The following ZNF148 variants were observed in gnomAD, a reference collection of about 807,000 sequenced individuals.
The protein encoded by ZNF148 is Beta-Enolase Repressor Factor-1.
Under a neutral mutation model 67.7 loss-of-function variants are expected in ZNF148, and 7 were observed. That is an observed-to-expected ratio of 0.10 (90% CI 0.06 to 0.19). ZNF148 has a LOEUF of 0.19. Among genes scored for constraint, ZNF148 ranks in the 10% least tolerant of loss-of-function variants. The pLI, the probability that ZNF148 is intolerant of heterozygous loss-of-function variation, is 1.00. For missense variants in ZNF148, 583 were observed against 947.1 expected (o/e 0.62, Z 5.05); for synonymous variants, 333 against 330.7 (o/e 1.01, Z -0.08).
intron 7 of ZNF148, among the ~76,000 whole-genome samples, chr3:125,260,330 T>C (rs189569235): frequency 6.6e-6 from 1 of 151,776 alleles, no homozygotes; most frequent in African/African-American, 2.4e-5. Context: ...ATTTGCAAAG[T>C]GTAGTAAAGT....
chr3:125,371,372 A>AGG (rs59807253), intron 1 of ZNF148, among the ~76,000 whole-genome samples: 203 of 65,360 alleles, frequency 3.1e-3, no homozygotes, highest in East Asian at 6.6e-3. Flanking sequence ...AAAAAAAAAA[A>AGG]GGGGGGGGGG....
chr3:125,318,455 G>T lies in ZNF148; in HGVS notation c.-16-4799C>A, dbSNP rs75504916. On this transcript the variant is annotated intron_variant, in intron 3 of 8. Coordinates refer to ENST00000360647, the MANE Select transcript of ZNF148 (RefSeq NM_021964.3). The stretch of plus-strand genomic sequence containing the variant: ...TACACAGAAGAGAGGAGGAAAGAAA[G>T]AATGCTTCCTTTAAATCTTATTACT... Among the ~76,000 whole-genome samples the T allele has an allele frequency of 5.4e-3, 821 of 152,086 alleles. 6 individuals are homozygous for T. Among genetic ancestry groups the T allele is most frequent in the African/African-American group, 0.019 (773 of 41,484 alleles).
chr3:125,364,147 C>T (rs955972517), intron 1 of ZNF148, among the ~76,000 whole-genome samples: 10 of 152,080 alleles, frequency 6.6e-5, no homozygotes, highest in African/African-American at 2.4e-4. Flanking sequence ...GCCTGTAATC[C>T]CAGCACTCTG....
Position 125,225,688 on chromosome 3 carries a change from TTA to T in ZNF148, c.*6651_*6652del. 1 of 152,238 alleles carries T rather than the reference TTA, an allele frequency of 6.6e-6. No individual in the cohort carries two copies. Among genetic ancestry groups the T allele is most frequent in the South Asian group, 2.1e-4 (1 of 4,828 alleles). 9.4% of individuals were successfully genotyped at this position (152,238 alleles called of 1,614,324 possible). On this transcript the variant is annotated 3_prime_UTR_variant, in exon 9 of 9. Coordinates refer to ENST00000360647, the MANE Select transcript of ZNF148 (RefSeq NM_021964.3). ...CATTAATTCAAGTGACTTCAATTTT[TTA>T]TTTTTTCTTATAATCTTTAGAAGAT...
At chr3:125,374,343 C>T (rs1240906918) in intron 1 of ZNF148, among the ~76,000 whole-genome samples, 1 of 152,198 alleles carries the variant, frequency 6.6e-6, no homozygotes, top group Non-Finnish European at 1.5e-5. Context: ...TCTGTCTATT[C>T]TATTATGCAT....
At chr3:125,322,820 C>T (rs1336947530) in intron 3 of ZNF148, among the ~76,000 whole-genome samples, 2 of 152,178 alleles carry the variant, frequency 1.3e-5, no homozygotes, top group Non-Finnish European at 2.9e-5. Flanking sequence ...ATCTATAAGA[C>T]TGCTTCCTTA....
chr3:125,245,206 T>C (rs1053087034), intron 7 of ZNF148, among the ~76,000 whole-genome samples: 4 of 152,128 alleles, frequency 2.6e-5, no homozygotes, highest in Admixed American at 6.5e-5. Flanking sequence ...CCAAATTTCA[T>C]CTCAAATTGT....
At chr3:125,317,690 C>CAA (rs1559752201) in intron 3 of ZNF148, among the ~76,000 whole-genome samples, 1 of 41,148 alleles carries the variant, frequency 2.4e-5, no homozygotes, top group Non-Finnish European at 5.6e-5. Context: ...AATACATATA[C>CAA]ACACACACAT....
chr3:125,300,132 T>C (rs986425309), intron 4 of ZNF148, among the ~76,000 whole-genome samples: 4 of 152,026 alleles, frequency 2.6e-5, no homozygotes, highest in African/African-American at 9.7e-5. Context: ...CCACCATGCC[T>C]GCCTAATTTT....
At chr3:125,241,440 T>C (rs187612326) in intron 7 of ZNF148, among the ~76,000 whole-genome samples, 1 of 152,184 alleles carries the variant, frequency 6.6e-6, no homozygotes, top group Admixed American at 6.5e-5. Context: ...CTGGCCAGGT[T>C]TCTTGACACA....
intron 1 of ZNF148, among the ~76,000 whole-genome samples, chr3:125,354,085 G>T (rs1942257578): frequency 6.6e-6 from 1 of 151,868 alleles, no homozygotes; most frequent in South Asian, 2.1e-4. Flanking sequence ...AATATTAAAA[G>T]CAGTTTCTCT....
chr3:125,362,676 C>T (rs1412442817), intron 1 of ZNF148, among the ~76,000 whole-genome samples: 1 of 151,764 alleles, frequency 6.6e-6, no homozygotes, highest in Non-Finnish European at 1.5e-5. Context: ...CACCTCAGCC[C>T]CCCAAGTAGC....
chr3:125,319,246 A>G (rs1195357726), intron 3 of ZNF148, among the ~76,000 whole-genome samples: 3 of 152,202 alleles, frequency 2.0e-5, no homozygotes, highest in African/African-American at 7.2e-5. Flanking sequence ...GTAATTAAAA[A>G]CTAAGCTTTA....
At chr3:125,282,560 T>C (rs1938447990) in intron 5 of ZNF148, among the ~76,000 whole-genome samples, 3 of 152,154 alleles carry the variant, frequency 2.0e-5, no homozygotes, top group Non-Finnish European at 4.4e-5. Context: ...CTCAACACAC[T>C]ACATTTTTTT....
chr3:125,258,784 T>C (rs1937211504), intron 7 of ZNF148, among the ~76,000 whole-genome samples: 1 of 152,178 alleles, frequency 6.6e-6, no homozygotes, highest in Non-Finnish European at 1.5e-5. Flanking sequence ...ATAGATGTTA[T>C]GTAAGAATAC....
At chr3:125,242,587 C>T (rs551593197) in intron 7 of ZNF148, among the ~76,000 whole-genome samples, 19 of 152,238 alleles carry the variant, frequency 1.2e-4, no homozygotes, top group East Asian at 1.9e-4. Context: ...GCCGAGACTG[C>T]GCCACTGCAC....
intron 7 of ZNF148, among the ~76,000 whole-genome samples, chr3:125,241,369 C>T (rs1195169934): frequency 1.3e-5 from 2 of 148,216 alleles, no homozygotes; most frequent in Non-Finnish European, 3.0e-5. Flanking sequence ...AGGCTGGTCT[C>T]GAATTCAGGG....
At chr3:125,310,737 T>C (rs1177928149) in intron 4 of ZNF148, 1 of 151,498 alleles carries the variant, frequency 6.6e-6, no homozygotes, top group East Asian at 1.9e-4. Context: ...AAATGCAGAG[T>C]TGTTCGAACA....
intron 2 of ZNF148, among the ~76,000 whole-genome samples, chr3:125,324,062 G>A (rs1159219195): frequency 1.3e-5 from 2 of 151,926 alleles, no homozygotes; most frequent in African/African-American, 4.8e-5. Context: ...AACCTAAAAG[G>A]TTAGAAAAAA....
Sources: gnomAD v4.1 joint callset for allele counts (sites outside exome capture counted in the v4.1 genomes callset) on GRCh38, gnomAD v4.1.1 for gene constraint, MANE v1.5 for transcripts, NCBI Gene and HGNC (gene_info 2026-07-23, HGNC 2026-07-21) for gene names.